The following SHF variants were observed in gnomAD, a reference collection of about 807,000 sequenced individuals.
SHF encodes the protein SH2 domain-containing adapter protein F.
SHF carries 30 observed loss-of-function variants against 42.4 expected under a neutral mutation model. That is an observed-to-expected ratio of 0.71 (90% CI 0.53 to 0.96). The LOEUF is 0.96. Ranked by LOEUF, SHF falls within the 40% of genes least tolerant of loss-of-function variation. SHF has a pLI of 0.00. For missense variants in SHF, 598 were observed against 634.0 expected, an observed-to-expected ratio of 0.94 and a Z score of 0.61; for synonymous variants, 264 against 269.9, an observed-to-expected ratio of 0.98 and a Z score of 0.21.
rs904836754 is a variant in SHF, at chr15:45,199,183, C to T, written c.-46-63G>A. On this transcript the variant is annotated intron_variant, in intron 1 of 7. Coordinates refer to the SHF transcript ENST00000290894. ...CGCATCTCCCCATGTTCCCAACACC[C>T]ACTTCCTTCCAGCCTCTCATACTCC... 1.4e-5 allele frequency: 18 copies of T among 1,251,582 alleles called. 1 individual carries two copies. Among genetic ancestry groups the T allele is most frequent in the South Asian group, 1.4e-4 (9 of 63,330 alleles). The allele number at this position is 1,251,582 out of a possible 1,614,324, so 77.5% of individuals were successfully genotyped here. A position where few individuals can be genotyped will look rare whatever the true frequency, so the allele number is the denominator to read the frequency against.
intron 1 of SHF, among the ~76,000 whole-genome samples, chr15:45,182,658 A>T (rs1158561930): frequency 6.6e-6 from 1 of 152,166 alleles, no homozygotes; most frequent in African/African-American, 2.4e-5. Flanking sequence ...TTTAAAATAC[A>T]CTTTAAATCT....
chr15:45,169,522 C>A (rs1384053856), intron 6 of SHF, among the ~76,000 whole-genome samples: 1 of 152,128 alleles, frequency 6.6e-6, no homozygotes, highest in Non-Finnish European at 1.5e-5. Flanking sequence ...GCAAACAGCC[C>A]CTGTGGGTGG....
intron 2 of SHF, among the ~76,000 whole-genome samples, chr15:45,193,936 CAAAA>C (rs776163657): frequency 8.0e-6 from 1 of 125,138 alleles, no homozygotes; most frequent in African/African-American, 3.0e-5. Context: ...CCTTCTGTAC[CAAAA>C]AAAAAAAAAA....
At chr15:45,172,956 C>A (rs1294781695) in intron 4 of SHF, among the ~76,000 whole-genome samples, 1 of 152,186 alleles carries the variant, frequency 6.6e-6, no homozygotes, top group African/African-American at 2.4e-5. Flanking sequence ...AGGCTGAGCC[C>A]CCGTGGGTCC....
chr15:45,186,970 C>CAGGAGGAGGAAG (rs1396964984), intron 1 of SHF, among the ~76,000 whole-genome samples: 1 of 152,200 alleles, frequency 6.6e-6, no homozygotes, highest in African/African-American at 2.4e-5. Context: ...GCTGGAGAAA[C>CAGGAGGAGGAAG]AGGAGGAGGA....
chr15:45,193,985 A>G (rs114913025), intron 2 of SHF, among the ~76,000 whole-genome samples: 7,444 of 151,082 alleles, frequency 0.049, 639 homozygotes, highest in African/African-American at 0.17. Context: ...GCCTGTAGTC[A>G]CAGCCACTCA....
chr15:45,198,695 T>G (rs1334707522), intron 2 of SHF: 2 of 1,522,684 alleles, frequency 1.3e-6, no homozygotes, highest in African/African-American at 2.8e-5. Flanking sequence ...CGGGGACCCG[T>G]AGGGGTTGGC....
At chr15:45,182,845 A>G (rs570364763) in intron 1 of SHF, among the ~76,000 whole-genome samples, 1 of 152,340 alleles carries the variant, frequency 6.6e-6, no homozygotes, top group African/African-American at 2.4e-5. Flanking sequence ...GTTCCTGCTT[A>G]TTGGAATGTC....
intron 2 of SHF, chr15:45,198,651 G>C: frequency 1.6e-6 from 2 of 1,282,730 alleles, no homozygotes; most frequent in South Asian, 3.3e-5. Flanking sequence ...CCACAACGCA[G>C]AGTACTAACC....
At chr15:45,187,372 C>T in intron 1 of SHF, 82 bp downstream of exon 1, 1 of 1,208,768 alleles carries the variant, frequency 8.3e-7, no homozygotes, top group Non-Finnish European at 1.0e-6. Context: ...GGGCCCGGGC[C>T]AGGCCACCTT....
At position 45,171,894 on chromosome 15, in the gene SHF, G is replaced by A. The variant is rs369024696; in HGVS notation, c.1269C>T (p.Ser423=). The stretch of plus-strand genomic sequence containing the variant: ...CTGTCCCCACTCACTTGAGGGAGAG[G>A]GAGAAGTCATTCTTGCTGGTCTCAC... ...RNSETSKNDF[S]LSLKSSQGFM... Residue 423 remains serine (S), a synonymous_variant, in exon 6 of 7, where the codon TCC becomes TCT. Transcript: ENST00000690270. 9.3e-6 allele frequency: 15 copies of A among 1,613,150 alleles called. No individual in the cohort carries two copies. Among genetic ancestry groups the A allele is most frequent in the Admixed American group, 1.7e-5 (1 of 60,000 alleles).
At chr15:45,184,969 G>A (rs529772223) in intron 1 of SHF, among the ~76,000 whole-genome samples, 3 of 152,360 alleles carry the variant, frequency 2.0e-5, no homozygotes, top group African/African-American at 7.2e-5. Flanking sequence ...TGGGGAGAAG[G>A]CTAATGGTCC....
At position 45,173,632 on chromosome 15, in the gene SHF, C is replaced by G. The variant is rs1897641980; in HGVS notation, c.932G>C (p.Arg311Thr). The change falls in exon 4 of 7, where the codon AGG (arginine) becomes ACG (threonine). Residue 311 changes from arginine (R) to threonine (T), a missense_variant. Coordinates refer to ENST00000690270, the MANE Select transcript of SHF (RefSeq NM_001394037.1). Reference sequence around the variant, plus strand: ...GGGCGAGGCTGGACCGGAGATGTCCCTGTCCCCATCAGGCAGGGAGGGGCT... The same window carrying G: ...GGGCGAGGCTGGACCGGAGATGTCCGTGTCCCCATCAGGCAGGGAGGGGCT... ...DSSPSLPDGDRDISGPASPLP... is the reference protein window; with the variant it reads ...DSSPSLPDGDTDISGPASPLP... 1 of 1,551,140 alleles carries G rather than the reference C, an allele frequency of 6.4e-7. No individual in the cohort carries two copies. Among genetic ancestry groups the G allele is most frequent in the African/African-American group, 1.4e-5 (1 of 73,062 alleles).
At chr15:45,193,135 T>G (rs1898756917) in intron 2 of SHF, among the ~76,000 whole-genome samples, 1 of 152,230 alleles carries the variant, frequency 6.6e-6, no homozygotes, top group African/African-American at 2.4e-5. Flanking sequence ...TATACTTAAA[T>G]TTGCTATTAC....
Position 45,187,652 on chromosome 15 carries a change from C to T in SHF, c.300G>A (p.Gln100=). Residue 100 remains glutamine, a synonymous_variant, in exon 1 of 7, where the codon CAG becomes CAA. Transcript: ENST00000690270. ...AGGGGTCTTCGAAGTCGCGCTCCCG[C>T]TGCAGCCTGTAGGCGGCCAGGATGT... is the stretch of plus-strand genomic sequence containing the variant. ...PPDILAAYRL[Q]RERDFEDPYS... 1 of 1,228,156 alleles carries T rather than the reference C, an allele frequency of 8.1e-7. No homozygotes were observed. Among genetic ancestry groups the T allele is most frequent in the South Asian group, 4.1e-5 (1 of 24,276 alleles). 76.1% of individuals were successfully genotyped at this position (1,228,156 alleles called of 1,614,324 possible).
intron 2 of SHF, among the ~76,000 whole-genome samples, chr15:45,196,619 C>T (rs982957412): frequency 2.0e-5 from 3 of 151,734 alleles, no homozygotes; most frequent in South Asian, 4.2e-4. Context: ...GAGGAAAGGC[C>T]GGGCGTGGTG....
intron 6 of SHF, chr15:45,170,322 T>C (rs1282425335): frequency 2.4e-6 from 3 of 1,231,742 alleles, no homozygotes; most frequent in Non-Finnish European, 3.1e-6. Context: ...AGGGGAGTAG[T>C]TGGTTTAGAA....
At chr15:45,186,966 G>C (rs1335450500) in intron 1 of SHF, among the ~76,000 whole-genome samples, 1 of 152,252 alleles carries the variant, frequency 6.6e-6, no homozygotes, top group Non-Finnish European at 1.5e-5. Context: ...TTAGGCTGGA[G>C]AAACAGGAGG....
intron 1 of SHF, chr15:45,199,715 G>GGACTTACAAAGAAGACAGAA: frequency 6.6e-6 from 1 of 152,042 alleles, no homozygotes; most frequent in South Asian, 2.1e-4. Context: ...GTTGGGGTGG[G>GGACTTACAAAGAAGACAGAA]GACTTACAAA....
Sources: gnomAD v4.1 joint callset for allele counts (sites outside exome capture counted in the v4.1 genomes callset) on GRCh38, gnomAD v4.1.1 for gene constraint, MANE v1.5 for transcripts, NCBI Gene and HGNC (gene_info 2026-07-23, HGNC 2026-07-21) for gene names.